RPL10: variants seen among roughly 807,000 people sequenced by gnomAD.
RPL10 encodes large ribosomal subunit protein uL16.
Under a neutral mutation model 15.7 loss-of-function variants are expected in RPL10, and 1 was observed. That is an observed-to-expected ratio of 0.06 (90% confidence interval 0.02 to 0.30). The LOEUF is 0.30. RPL10 is among the 10% of genes least tolerant of loss of function. The probability of loss-of-function intolerance (pLI) is 1.00; values close to 1 mark genes in which losing one functional copy is unlikely to be tolerated. For synonymous variants in RPL10, 59 were observed against 64.0 expected (o/e 0.92, Z 0.37); for missense variants, 54 against 183.4 (o/e 0.29, Z 4.08).
At chrX:154,400,665 C>CA (rs2068010161) in intron 6 of RPL10, 37 bp from the exon 7 acceptor site, 2 of 1,211,404 alleles carry the variant, frequency 1.7e-6, no homozygotes, top group African/African-American at 1.7e-5. Context: ...ACCTTTGCCC[C>CA]AGGCCTCCTG....
Position 154,398,396 on chromosome X carries a change from T to C in RPL10, c.-24+2T>C, listed in dbSNP as rs1557184854. On this transcript the variant is annotated splice_donor_variant, in intron 1 of 6. Coordinates refer to ENST00000369817, the MANE Select transcript of RPL10 (RefSeq NM_006013.5). LOFTEE classifies it low-confidence loss of function (5UTR_SPLICE). ...GAGCGCCTCTTTCCCTTCGGTGTGG[T>C]GAGTAAGCGCAGTTGTCGTCTCTTG... 5.7e-6 allele frequency: 5 copies of C among 879,335 alleles called. No individual in the cohort carries two copies. The South Asian group carries it at 5.9e-5, about 10-fold the overall frequency. 72.5% of individuals were successfully genotyped at this position (879,335 alleles called of 1,213,427 possible).
chrX:154,399,983 C>T (rs1557185533), intron 5 of RPL10, 42 bp downstream of exon 5: 1 of 1,197,786 alleles, frequency 8.3e-7, no homozygotes, highest in African/African-American at 1.8e-5. Flanking sequence ...GGAGTCTCTA[C>T]ATTATTAGGC....
Position 154,398,940 on chromosome X carries a change from G to T in RPL10, c.23+398G>T, listed in dbSNP as rs782467407. 6 of 357,764 alleles carry T rather than the reference G, an allele frequency of 1.7e-5. No homozygotes were observed. The East Asian group carries it at 2.7e-4, about 16-fold the overall frequency. The allele number at this position is 357,764 out of a possible 1,213,427, so 29.5% of individuals were successfully genotyped here. On this transcript the variant is annotated intron_variant, in intron 2 of 6. Coordinates refer to ENST00000369817, the MANE Select transcript of RPL10 (RefSeq NM_006013.5). ...CTGTGTCCTACAGGGGGCGCCAGAC[G>T]CATTTCCACTCGGCTTGGAGGTGGA...
intron 2 of RPL10, chrX:154,399,069 C>T: frequency 2.3e-6 from 1 of 441,514 alleles, no homozygotes; most frequent in Non-Finnish European, 4.1e-6. Context: ...GAATTTTTAA[C>T]TAGGAAAGTT....
chrX:154,401,774 C>G lies in RPL10; in HGVS notation c.*920C>G, dbSNP rs945917951. On this transcript the variant is annotated 3_prime_UTR_variant, in exon 7 of 7. Coordinates refer to ENST00000369817, the MANE Select transcript of RPL10 (RefSeq NM_006013.5). ...AGCCATTTCTTAGGTTTTTAATTAC[C>G]TTTATTTTATTTTGCCAAACATACC... is the stretch of plus-strand genomic sequence containing the variant. 12 of 110,822 alleles carry G rather than the reference C, an allele frequency of 1.1e-4. No homozygotes were observed. Among genetic ancestry groups the G allele is most frequent in the African/African-American group, 4.0e-4 (12 of 29,662 alleles). The allele number at this position is 110,822 out of a possible 1,213,427, so 9.1% of individuals were successfully genotyped here.
chrX:154,401,097 TCCCC>T lies in RPL10; in HGVS notation c.*244_*247del. 5.8e-6 allele frequency: 5 copies of T among 862,233 alleles called. No homozygotes were observed. Among genetic ancestry groups the T allele is most frequent in the East Asian group, 3.7e-5 (1 of 27,056 alleles). The allele number at this position is 862,233 out of a possible 1,213,427, so 71.1% of individuals were successfully genotyped here. A position where few individuals can be genotyped will look rare whatever the true frequency, so the allele number is the denominator to read the frequency against. On this transcript the variant is annotated 3_prime_UTR_variant, in exon 7 of 7. Coordinates refer to ENST00000369817, the MANE Select transcript of RPL10 (RefSeq NM_006013.5). ...TCTACTCTGGAGCTTGACTTGGACC[TCCCC>T]AGGTCCTAGGCAGTAGGTTGAAAAA...
intron 2 of RPL10, chrX:154,398,889 C>A: frequency 2.7e-6 from 1 of 368,793 alleles, no homozygotes; most frequent in East Asian, 5.2e-5. Context: ...GAAGGGCAGT[C>A]CGGGAAAAAC....
At chrX:154,398,687 G>C (rs2148135431) in intron 2 of RPL10, 145 bp downstream of exon 2, 1 of 719,523 alleles carries the variant, frequency 1.4e-6, no homozygotes, top group South Asian at 2.4e-5. Flanking sequence ...ACACCTCCCG[G>C]CTATTTTTTA....
chrX:154,399,713 C>T, intron 4 of RPL10, 90 bp from the exon 5 acceptor site: 2 of 1,173,042 alleles, frequency 1.7e-6, no homozygotes, highest in East Asian at 3.0e-5. Flanking sequence ...CAAAACTCAG[C>T]CAACACAGTT....
rs973530365 is a variant in RPL10, at chrX:154,398,585, G to A, written c.23+43G>A. ...GTACTTTCACTGCTGGGAAACGGGCGGGGAAAGAAGTGCCTATGGCCGCTG... is the reference window on the plus strand; with the variant it reads ...GTACTTTCACTGCTGGGAAACGGGCAGGGAAAGAAGTGCCTATGGCCGCTG... On this transcript the variant is annotated intron_variant, in intron 2 of 6. Transcript: ENST00000369817. 5 of 1,202,825 alleles carry A rather than the reference G, an allele frequency of 4.2e-6. No individual in the cohort carries two copies. In the African/African-American group the frequency reaches 7.0e-5, roughly 17 times the overall value.
At chrX:154,399,625 C>G (rs201995888) in intron 4 of RPL10, 31 bp downstream of exon 4, 3 of 1,183,077 alleles carry the variant, frequency 2.5e-6, no homozygotes, top group East Asian at 5.9e-5. Context: ...CGTCACCCCC[C>G]AGTCCTTCCT....
At chrX:154,398,149 G>T, upstream of RPL10, 1 of 380,979 alleles carries the variant, frequency 2.6e-6, no homozygotes, top group Non-Finnish European at 4.8e-6. Context: ...GGCTTCTCGC[G>T]ACCATGTGGC....
intron 2 of RPL10, 184 bp downstream of exon 2, chrX:154,398,726 T>A: frequency 1.9e-6 from 1 of 529,795 alleles, no homozygotes; most frequent in Non-Finnish European, 3.2e-6. Context: ...TGTTCCTTCG[T>A]TCCCGTGTCG....
At chrX:154,399,001 G>A in intron 2 of RPL10, 2 of 384,499 alleles carry the variant, frequency 5.2e-6, no homozygotes, top group Non-Finnish European at 4.7e-6. Context: ...TAAATTGGGT[G>A]ACCTGAGCTG....
rs139788088 is a variant in RPL10, at chrX:154,398,814, T to C, written c.23+272T>C. The C allele has an allele frequency of 6.6e-3, 2,780 of 421,415 alleles. 54 individuals are homozygous for C. The highest frequency in any genetic ancestry group is 0.064 in the African/African-American group (2,531 of 39,840). 34.7% of individuals were successfully genotyped at this position (421,415 alleles called of 1,213,427 possible). A position where few individuals can be genotyped will look rare whatever the true frequency, so the allele number is the denominator to read the frequency against. On this transcript the variant is annotated intron_variant, in intron 2 of 6. Coordinates refer to ENST00000369817, the MANE Select transcript of RPL10 (RefSeq NM_006013.5). ...GCATTTTCGGGCGCTAGATACGCTCTTGGGGCCTTTGTGTGCGTTCTCTGT... is the reference window on the plus strand; with the variant it reads ...GCATTTTCGGGCGCTAGATACGCTCCTGGGGCCTTTGTGTGCGTTCTCTGT...
rs1557184908 is a variant in RPL10 at position 154,398,478 on chromosome X, T to C, written c.-23-19T>C. 1 of 1,209,485 alleles carries C rather than the reference T, an allele frequency of 8.3e-7. No homozygotes were observed. Among genetic ancestry groups the C allele is most frequent in the Non-Finnish European group, 1.1e-6 (1 of 893,675 alleles). The stretch of plus-strand genomic sequence containing the variant: ...GTCTGTTCTCGTCTTCCGTTCCGAC[T>C]CTCTCTTTTTCGTTGCAGCCACTGA... On this transcript the variant is annotated intron_variant, in intron 1 of 6. Coordinates refer to ENST00000369817, the MANE Select transcript of RPL10 (RefSeq NM_006013.5).
chrX:154,398,710 ACT>A, intron 2 of RPL10, 168 bp downstream of exon 2: 1 of 575,285 alleles, frequency 1.7e-6, no homozygotes, highest in Non-Finnish European at 2.9e-6. Flanking sequence ...CTGCAATATT[ACT>A]GTCTGTTCCT....
rs184995940 is a variant in RPL10 at position 154,399,468 on chromosome X, A to C, written c.83-19A>C. 22 of 1,209,861 alleles carry C rather than the reference A, an allele frequency of 1.8e-5. No homozygotes were observed. The highest frequency in any genetic ancestry group is 2.5e-5 in the Non-Finnish European group (22 of 894,606). ...CGTCCGTCTGTGACACCCCCTGCAC[A>C]CTTACCCAATCCTTTTAGATGCCAA... On this transcript the variant is annotated intron_variant, in intron 3 of 6. Coordinates refer to ENST00000369817, the MANE Select transcript of RPL10 (RefSeq NM_006013.5).
chrX:154,401,049 G>A lies in RPL10; in HGVS notation c.*195G>A. ...GGCAGCAAACCCTGCAAAGGGCTGGGACTGGTGGCCTTATGTCAGTTGTCT... is the reference window on the plus strand; with the variant it reads ...GGCAGCAAACCCTGCAAAGGGCTGGAACTGGTGGCCTTATGTCAGTTGTCT... On this transcript the variant is annotated 3_prime_UTR_variant, in exon 7 of 7. Transcript: ENST00000369817. 1.8e-6 allele frequency: 2 copies of A among 1,123,001 alleles called. No individual in the cohort carries two copies. The highest frequency in any genetic ancestry group is 2.4e-6 in the Non-Finnish European group (2 of 844,647). 92.5% of individuals were successfully genotyped at this position (1,123,001 alleles called of 1,213,427 possible). A position where few individuals can be genotyped will look rare whatever the true frequency, so the allele number is the denominator to read the frequency against.
Sources: gnomAD v4.1 joint callset for allele counts on GRCh38, gnomAD v4.1.1 for gene constraint, MANE v1.5 for transcripts, NCBI Gene and HGNC (gene_info 2026-07-23, HGNC 2026-07-21) for gene names.